The following RIMKLA variants were observed in gnomAD, a reference collection of about 807,000 sequenced individuals.
The protein encoded by RIMKLA is ribosomal modification protein rimK like family member A.
A neutral mutation model predicts 32.7 loss-of-function variants in RIMKLA; 14 were observed. That is an observed-to-expected ratio of 0.43 (90% CI 0.28 to 0.67). RIMKLA has a LOEUF of 0.67. Ranked by LOEUF, RIMKLA falls within the 30% of genes least tolerant of loss-of-function variation. The pLI, the probability that RIMKLA is intolerant of heterozygous loss-of-function variation, is 0.18. For missense variants in RIMKLA, 410 were observed against 519.0 expected (o/e 0.79, Z 2.04); for synonymous variants, 176 against 204.1 (o/e 0.86, Z 1.18).
intron 2 of RIMKLA, 43 bp from the exon 3 acceptor site, chr1:42,404,468 A>C (rs1319249824): frequency 7.4e-7 from 1 of 1,360,346 alleles, no homozygotes; most frequent in South Asian, 1.2e-5. Flanking sequence ...CCGCTACCTG[A>C]CTATCAGCCT....
At chr1:42,385,844 C>CTTTCTCTTTCTT (rs1553175520) in intron 1 of RIMKLA, among the ~76,000 whole-genome samples, 1 of 56,996 alleles carries the variant, frequency 1.8e-5, no homozygotes, top group African/African-American at 6.6e-5. Context: ...TTCTTTCTTT[C>CTTTCTCTTTCTT]TCTTTCTTTC....
At position 42,418,633 on chromosome 1, in the gene RIMKLA, T is replaced by C. The variant is rs372647655; in HGVS notation, c.*3659T>C. 3 of 152,328 alleles carry C rather than the reference T, an allele frequency of 2.0e-5. No individual in the cohort carries two copies. The highest frequency in any genetic ancestry group is 3.9e-4 in the East Asian group (2 of 5,192). The allele number at this position is 152,328 out of a possible 1,614,324, so 9.4% of individuals were successfully genotyped here. A position where few individuals can be genotyped will look rare whatever the true frequency, so the allele number is the denominator to read the frequency against. On this transcript the variant is annotated 3_prime_UTR_variant, in exon 5 of 5. Transcript: ENST00000431473. Reference sequence around the variant, plus strand: ...TAGATGTCTTTGAAGCTGTTCTGCATAAAGATAATGAGATGCATGGATTTC... The same window carrying C: ...TAGATGTCTTTGAAGCTGTTCTGCACAAAGATAATGAGATGCATGGATTTC...
rs1642881504 is a variant in RIMKLA at position 42,380,956 on chromosome 1, C to G, written c.22C>G (p.Leu8Val). The change falls in exon 1 of 5, where the codon CTG (leucine) becomes GTG (valine). Residue 8 changes from leucine to valine, a missense_variant. Coordinates refer to ENST00000431473, the MANE Select transcript of RIMKLA (RefSeq NM_173642.4). MCSQLWFLTDRRIREDYP... is the reference protein window; with the variant it reads MCSQLWFVTDRRIREDYP... ...CGCCATGTGCTCCCAGCTCTGGTTC[C>G]TGACGGACCGGCGCATCCGCGAGGA... 1 of 1,449,614 alleles carries G rather than the reference C, an allele frequency of 6.9e-7. No homozygotes were observed. Among genetic ancestry groups the G allele is most frequent in the South Asian group, 1.3e-5 (1 of 74,864 alleles). 89.8% of individuals were successfully genotyped at this position (1,449,614 alleles called of 1,614,324 possible).
chr1:42,392,090 ATTTG>A (rs1643004437), intron 1 of RIMKLA, among the ~76,000 whole-genome samples: 4 of 152,126 alleles, frequency 2.6e-5, no homozygotes, highest in South Asian at 2.1e-4. Context: ...CTTACTATTG[ATTTG>A]TTTGAGAGGT....
At chr1:42,401,213 C>T (rs1186720466) in intron 2 of RIMKLA, among the ~76,000 whole-genome samples, 2 of 152,042 alleles carry the variant, frequency 1.3e-5, no homozygotes, top group Non-Finnish European at 2.9e-5. Flanking sequence ...ACTGATCTGA[C>T]AGGAAGTGGA....
intron 3 of RIMKLA, among the ~76,000 whole-genome samples, chr1:42,408,192 T>C (rs1354818023): frequency 6.6e-6 from 1 of 152,148 alleles, no homozygotes; most frequent in African/African-American, 2.4e-5. Flanking sequence ...CATTTTCCTC[T>C]TGTGACCCCT....
At chr1:42,389,747 A>G (rs1210242923) in intron 1 of RIMKLA, among the ~76,000 whole-genome samples, 2 of 152,038 alleles carry the variant, frequency 1.3e-5, no homozygotes, top group Non-Finnish European at 2.9e-5. Flanking sequence ...CTGGGAGGCA[A>G]AGGTTACAGT....
chr1:42,416,082 T>G lies in RIMKLA; in HGVS notation c.*1108T>G, dbSNP rs1643244079. The G allele has an allele frequency of 1.6e-5, 1 of 61,742 alleles. No individual in the cohort carries two copies. Among genetic ancestry groups the G allele is most frequent in the Non-Finnish European group, 4.1e-5 (1 of 24,588 alleles). 3.8% of individuals were successfully genotyped at this position (61,742 alleles called of 1,614,324 possible). ...GGTATCAGGAATTACCCATTGCACA[T>G]TTTGCGGGGGGGGGGGCTAATGTAG... On this transcript the variant is annotated 3_prime_UTR_variant, in exon 5 of 5. Transcript: ENST00000431473.
chr1:42,408,463 A>G (rs12097507), intron 3 of RIMKLA, among the ~76,000 whole-genome samples: 2,379 of 152,246 alleles, frequency 0.016, 60 homozygotes, highest in African/African-American at 0.056. Context: ...CTTGTTGCCC[A>G]GTCTGGAGTT....
chr1:42,391,867 A>G (rs941926001), intron 1 of RIMKLA, among the ~76,000 whole-genome samples: 1 of 152,156 alleles, frequency 6.6e-6, no homozygotes, highest in East Asian at 1.9e-4. Context: ...TCCATTTTAT[A>G]GAAGAGGAGA....
intron 4 of RIMKLA, among the ~76,000 whole-genome samples, chr1:42,411,468 TTTTC>T (rs960078172): frequency 6.7e-5 from 8 of 119,908 alleles, no homozygotes; most frequent in African/African-American, 2.3e-4. Flanking sequence ...TTTTCTTTTC[TTTTC>T]TTTTTTTTGA....
chr1:42,384,618 CTA>C (rs1336188470), intron 1 of RIMKLA, among the ~76,000 whole-genome samples: 2 of 58,500 alleles, frequency 3.4e-5, no homozygotes, highest in African/African-American at 1.2e-4. Flanking sequence ...TATATATATA[CTA>C]TATATGTGTG....
At chr1:42,385,856 T>TTC (rs1491005834) in intron 1 of RIMKLA, among the ~76,000 whole-genome samples, 1 of 34,730 alleles carries the variant, frequency 2.9e-5, no homozygotes, top group African/African-American at 8.6e-5. Context: ...CTTTCTTTCT[T>TTC]TCTTTCTTTC....
chr1:42,410,645 G>A (rs1433103982), intron 4 of RIMKLA, among the ~76,000 whole-genome samples: 2 of 152,120 alleles, frequency 1.3e-5, no homozygotes, highest in Non-Finnish European at 2.9e-5. Context: ...CTTTTTGTAT[G>A]ATGTTATTAG....
chr1:42,403,743 A>G (rs1643120479), intron 2 of RIMKLA, among the ~76,000 whole-genome samples: 1 of 152,220 alleles, frequency 6.6e-6, no homozygotes, highest in African/African-American at 2.4e-5. Context: ...TAGTTTCTGT[A>G]GATCAGAAGT....
intron 1 of RIMKLA, among the ~76,000 whole-genome samples, chr1:42,385,663 G>A (rs1033571481): frequency 1.1e-4 from 17 of 152,218 alleles, no homozygotes; most frequent in African/African-American, 4.1e-4. Flanking sequence ...ACCAGTGGAT[G>A]AGATCCTTCA....
rs537217985 is a variant in RIMKLA, at chr1:42,393,207, C to G, written c.164-6197C>G. 6.3e-3 allele frequency among the ~76,000 whole-genome samples: 570 copies of G among 91,102 alleles called. 7 individuals carry two copies. The highest frequency in any genetic ancestry group is 0.027 in the African/African-American group (548 of 20,670). 59.8% of individuals were successfully genotyped at this position (91,102 alleles called of 152,430 possible). A position where few individuals can be genotyped will look rare whatever the true frequency, so the allele number is the denominator to read the frequency against. On this transcript the variant is annotated intron_variant, in intron 1 of 4. Transcript: ENST00000431473. ...TTACTATCCAGAGAGACTACTTGCACTTAAATCCTGTCTGAGTGAGCTTCT... is the reference window on the plus strand; with the variant it reads ...TTACTATCCAGAGAGACTACTTGCAGTTAAATCCTGTCTGAGTGAGCTTCT...
intron 3 of RIMKLA, among the ~76,000 whole-genome samples, chr1:42,406,426 TTC>T (rs1255789068): frequency 6.6e-6 from 1 of 152,232 alleles, no homozygotes; most frequent in Non-Finnish European, 1.5e-5. Context: ...TAATAATACT[TTC>T]TGTTACTATA....
rs189861541 is a variant in RIMKLA, at chr1:42,405,699, C to T, written c.481+1102C>T. On this transcript the variant is annotated intron_variant, in intron 3 of 4. Coordinates refer to ENST00000431473, the MANE Select transcript of RIMKLA (RefSeq NM_173642.4). ...CTAGACCCAGTCACTGATCTCGAGGCGCTCAAATGTGTAGACACAGTTGCA... is the reference window on the plus strand; with the variant it reads ...CTAGACCCAGTCACTGATCTCGAGGTGCTCAAATGTGTAGACACAGTTGCA... 1.5e-3 allele frequency among the ~76,000 whole-genome samples: 226 copies of T among 152,248 alleles called. 1 individual carries two copies. Among genetic ancestry groups the T allele is most frequent in the Non-Finnish European group, 8.8e-4 (60 of 68,018 alleles).
Sources: gnomAD v4.1 joint callset for allele counts (sites outside exome capture counted in the v4.1 genomes callset) on GRCh38, gnomAD v4.1.1 for gene constraint, MANE v1.5 for transcripts, NCBI Gene and HGNC (gene_info 2026-07-23, HGNC 2026-07-21) for gene names.